Variants in JCAD observed in about 807,000 individuals in gnomAD.
The protein encoded by JCAD is junctional cadherin 5 associated.
JCAD carries 40 observed loss-of-function variants against 98.0 expected under a neutral mutation model. The ratio of observed to expected loss-of-function variants is 0.41; its 90% CI spans 0.32 to 0.53. The LOEUF (loss-of-function observed/expected upper bound fraction) is 0.53, where lower values mean the gene tolerates loss of function less well. Ranked by LOEUF, JCAD falls within the 20% of genes least tolerant of loss-of-function variation. JCAD has a pLI of 0.31. For missense variants in JCAD, 1,705 were observed against 1,738.1 expected, an observed-to-expected ratio of 0.98 and a Z score of 0.34; for synonymous variants, 691 against 682.3, an observed-to-expected ratio of 1.01 and a Z score of -0.20.
intron 2 of JCAD, among the ~76,000 whole-genome samples, chr10:30,033,032 T>C (rs1291304497): frequency 6.6e-6 from 1 of 152,188 alleles, no homozygotes; most frequent in Non-Finnish European, 1.5e-5. Flanking sequence ...GCATGCCAAG[T>C]GAATTATTTC....
At chr10:30,040,926 T>C (rs1346961794) in intron 2 of JCAD, among the ~76,000 whole-genome samples, 1 of 152,076 alleles carries the variant, frequency 6.6e-6, no homozygotes, top group Non-Finnish European at 1.5e-5. Context: ...CTCATCCAGT[T>C]CTCTAGCTGA....
intron 1 of JCAD, among the ~76,000 whole-genome samples, chr10:30,048,714 T>C (rs2132645193): frequency 6.6e-6 from 1 of 152,188 alleles, no homozygotes; most frequent in African/African-American, 2.4e-5. Context: ...TACAGGCATA[T>C]GCCACCACGC....
At chr10:30,048,352 C>T (rs1837399441) in intron 1 of JCAD, among the ~76,000 whole-genome samples, 1 of 152,222 alleles carries the variant, frequency 6.6e-6, no homozygotes, top group Admixed American at 6.5e-5. Context: ...ATACCTTCTG[C>T]TCTAGGAGAG....
chr10:30,025,823 CG>C (rs1425855823), intron 3 of JCAD, among the ~76,000 whole-genome samples: 1 of 151,980 alleles, frequency 6.6e-6, no homozygotes, highest in Non-Finnish European at 1.5e-5. Context: ...CAGGAAGCAG[CG>C]GAGGTTGCAG....
At chr10:30,064,814 G>A (rs1837756603) in intron 2 of JCAD, among the ~76,000 whole-genome samples, 1 of 152,102 alleles carries the variant, frequency 6.6e-6, no homozygotes, top group African/African-American at 2.4e-5. Context: ...TGGGATTACA[G>A]GCACGTGCCA....
chr10:30,076,820 C>T (rs975258490), intron 1 of JCAD, among the ~76,000 whole-genome samples: 6 of 152,142 alleles, frequency 3.9e-5, no homozygotes, highest in Non-Finnish European at 7.3e-5. Flanking sequence ...AAAGCCATCA[C>T]GCTTGTCAAG....
intron 1 of JCAD, among the ~76,000 whole-genome samples, chr10:30,092,599 G>A (rs1041486907): frequency 3.9e-5 from 6 of 152,140 alleles, no homozygotes; most frequent in African/African-American, 1.2e-4. Flanking sequence ...ACGATGAGTC[G>A]CTTAGAGTCT....
chr10:30,071,571 G>A (rs1465466857), intron 1 of JCAD, among the ~76,000 whole-genome samples: 2 of 152,130 alleles, frequency 1.3e-5, no homozygotes, highest in Non-Finnish European at 2.9e-5. Context: ...TTGGGAGGCC[G>A]AGGCGGGCAG....
intron 1 of JCAD, among the ~76,000 whole-genome samples, chr10:30,094,703 A>G (rs78838730): frequency 0.014 from 2,152 of 152,208 alleles, 58 homozygotes; most frequent in African/African-American, 0.049. Context: ...GCTCCCAACT[A>G]AGACACCATC....
intron 2 of JCAD, among the ~76,000 whole-genome samples, chr10:30,045,283 A>G (rs1351108782): frequency 6.6e-6 from 1 of 151,782 alleles, no homozygotes; most frequent in Non-Finnish European, 1.5e-5. Flanking sequence ...CAGCCCCTCA[A>G]ATTTGAGGGA....
intron 1 of JCAD, among the ~76,000 whole-genome samples, chr10:30,114,590 A>C (rs1480280537): frequency 4.5e-4 from 68 of 151,878 alleles, no homozygotes; most frequent in Admixed American, 1.6e-3. Context: ...AAAAAAAAAA[A>C]AAAAAAAAAA....
chr10:30,092,127 A>T (rs2488023), intron 1 of JCAD, among the ~76,000 whole-genome samples: 65,373 of 80,012 alleles, frequency 0.82, 27,082 homozygotes, highest in Admixed American at 0.85. Context: ...TATATATATA[A>T]AAAACATTTT....
At chr10:30,075,145 G>T (rs1417081255) in intron 1 of JCAD, among the ~76,000 whole-genome samples, 1 of 152,156 alleles carries the variant, frequency 6.6e-6, no homozygotes, top group Non-Finnish European at 1.5e-5. Flanking sequence ...GCACAATCTA[G>T]AAATATACAT....
At chr10:30,094,350 G>A (rs1838334706) in intron 1 of JCAD, among the ~76,000 whole-genome samples, 2 of 152,226 alleles carry the variant, frequency 1.3e-5, no homozygotes, top group African/African-American at 4.8e-5. Flanking sequence ...CTCGGAGGCT[G>A]AGGCAGGAAA....
chr10:30,028,981 G>A lies in JCAD; in HGVS notation c.1167C>T (p.Gly389=). ...CATACTCATTCCCAGTTCCAGGGGG[G>A]CCTGAAGGAGGCTGACCGCTGGCCC... ...KAGASGQPPS[G]PPGTGNEYGV... Residue 389 remains glycine, a synonymous_variant, in exon 3 of 4, where the codon GGC becomes GGT. Coordinates refer to ENST00000375377, the MANE Select transcript of JCAD (RefSeq NM_020848.4). 1 of 1,614,012 alleles carries A rather than the reference G, an allele frequency of 6.2e-7. No homozygotes were observed. The highest frequency in any genetic ancestry group is 8.5e-7 in the Non-Finnish European group (1 of 1,180,020).
chr10:30,071,837 T>G (rs1173769012), intron 1 of JCAD, among the ~76,000 whole-genome samples: 1 of 152,144 alleles, frequency 6.6e-6, no homozygotes, highest in East Asian at 1.9e-4. Context: ...AAACACTAAC[T>G]ACATTTATAT....
chr10:30,062,032 G>A (rs1170107199), upstream of JCAD, among the ~76,000 whole-genome samples: 1 of 152,152 alleles, frequency 6.6e-6, no homozygotes, highest in Non-Finnish European at 1.5e-5. Flanking sequence ...TCAACCCCAT[G>A]GAAGTTTTAT....
chr10:30,090,896 C>T (rs1487378839), intron 1 of JCAD, among the ~76,000 whole-genome samples: 2 of 152,186 alleles, frequency 1.3e-5, no homozygotes, highest in African/African-American at 4.8e-5. Context: ...TTAGAAATGC[C>T]AGCCGGATGC....
chr10:30,020,566 G>A (rs1043129130), intron 3 of JCAD, among the ~76,000 whole-genome samples: 13 of 152,162 alleles, frequency 8.5e-5, no homozygotes, highest in Admixed American at 8.5e-4. Flanking sequence ...TTACTACCCA[G>A]ATGGGACAGT....
Sources: gnomAD v4.1 joint callset for allele counts (sites outside exome capture counted in the v4.1 genomes callset) on GRCh38, gnomAD v4.1.1 for gene constraint, MANE v1.5 for transcripts, NCBI Gene and HGNC (gene_info 2026-07-23, HGNC 2026-07-21) for gene names.